Variants in MCC observed in about 807,000 individuals in gnomAD.
MCC encodes MCC regulator of Wnt signaling pathway.
MCC carries 90 observed loss-of-function variants against 116.2 expected under a neutral mutation model. The ratio of observed to expected loss-of-function variants is 0.77; its 90% CI spans 0.65 to 0.92. The LOEUF (loss-of-function observed/expected upper bound fraction) is 0.92, where lower values mean the gene tolerates loss of function less well. Among genes scored for constraint, MCC ranks in the 40% least tolerant of loss-of-function variants. MCC has a pLI of 0.00. For synonymous variants in MCC, 578 were observed against 510.5 expected (o/e 1.13, Z -1.78); for missense variants, 1,516 against 1,312.2 (o/e 1.16, Z -2.40).
chr5:113,178,911 T>C (rs1761471008), intron 3 of MCC, among the ~76,000 whole-genome samples: 1 of 25,472 alleles, frequency 3.9e-5, no homozygotes, highest in East Asian at 1.2e-3. Context: ...ATTTATCTTA[T>C]CAAAAAAAAT....
At chr5:113,433,224 A>C in intron 1 of MCC, 1 of 175,636 alleles carries the variant, frequency 5.7e-6, no homozygotes, top group South Asian at 1.2e-4. Context: ...GGCCCAGCCG[A>C]AGCTCTTTCC....
intron 8 of MCC, among the ~76,000 whole-genome samples, chr5:113,087,746 T>C (rs997152220): frequency 6.6e-6 from 1 of 151,420 alleles, no homozygotes; most frequent in Non-Finnish European, 1.5e-5. Context: ...GGTCTGTTCT[T>C]AGAATCCCTA....
chr5:113,038,857 G>C (rs542148664), intron 17 of MCC, among the ~76,000 whole-genome samples: 1 of 152,278 alleles, frequency 6.6e-6, no homozygotes, highest in East Asian at 1.9e-4. Context: ...TCCTGTCCCT[G>C]GACAGAACGG....
intron 11 of MCC, among the ~76,000 whole-genome samples, chr5:113,080,205 G>T (rs927270129): frequency 6.6e-6 from 1 of 152,154 alleles, no homozygotes; most frequent in African/African-American, 2.4e-5. Context: ...ACTGTTGGTG[G>T]GACTGTAAAC....
At chr5:113,318,702 G>C (rs1419584622) in intron 3 of MCC, among the ~76,000 whole-genome samples, 1 of 152,042 alleles carries the variant, frequency 6.6e-6, no homozygotes, top group Non-Finnish European at 1.5e-5. Flanking sequence ...TGGGAGGAGG[G>C]AGAGGATCAG....
chr5:113,205,708 T>C (rs1268711324), intron 3 of MCC, among the ~76,000 whole-genome samples: 2 of 152,210 alleles, frequency 1.3e-5, no homozygotes, highest in Non-Finnish European at 2.9e-5. Flanking sequence ...TAGAAAAATA[T>C]CTTATTTGCT....
At chr5:113,197,163 TCTTA>T (rs1220673450) in intron 3 of MCC, among the ~76,000 whole-genome samples, 2 of 152,206 alleles carry the variant, frequency 1.3e-5, no homozygotes, top group Non-Finnish European at 2.9e-5. Flanking sequence ...CGGGCTTCTT[TCTTA>T]AATACGTTCT....
intron 1 of MCC, among the ~76,000 whole-genome samples, chr5:113,465,271 T>C (rs527271061): frequency 2.0e-5 from 3 of 152,156 alleles, no homozygotes; most frequent in African/African-American, 7.2e-5. Flanking sequence ...TTAAATTATG[T>C]ATTTTCAAGT....
Position 113,071,631 on chromosome 5 carries a change from C to G in MCC, c.1785-397G>C, listed in dbSNP as rs999718617. On this transcript the variant is annotated intron_variant, in intron 11 of 18. Transcript: ENST00000408903. ...CATGCAAGGATGAAAAGCAGCAAGA[C>G]AGCAGTCATGGCTATTTGTTAAGCC... is the stretch of plus-strand genomic sequence containing the variant. Among the ~76,000 whole-genome samples, 6 of 152,216 alleles carry G rather than the reference C, an allele frequency of 3.9e-5. No homozygotes were observed. The South Asian group carries it at 6.2e-4, about 16-fold the overall frequency.
At chr5:113,350,863 A>G (rs892399857) in intron 2 of MCC, among the ~76,000 whole-genome samples, 1 of 152,156 alleles carries the variant, frequency 6.6e-6, no homozygotes, top group African/African-American at 2.4e-5. Flanking sequence ...ATCTGATTTT[A>G]AAAATGGGCA....
intron 1 of MCC, among the ~76,000 whole-genome samples, chr5:113,408,379 G>A (rs1769894056): frequency 6.6e-6 from 1 of 152,066 alleles, no homozygotes; most frequent in Non-Finnish European, 1.5e-5. Flanking sequence ...GATGTTCTGG[G>A]ATCAAATACG....
At chr5:113,035,815 A>G (rs1207646684) in intron 17 of MCC, among the ~76,000 whole-genome samples, 1 of 152,168 alleles carries the variant, frequency 6.6e-6, no homozygotes, top group Non-Finnish European at 1.5e-5. Context: ...CTTTATTGGA[A>G]AAAAAATCTC....
At chr5:113,371,694 C>T (rs937933809) in intron 2 of MCC, among the ~76,000 whole-genome samples, 3 of 152,112 alleles carry the variant, frequency 2.0e-5, no homozygotes, top group Admixed American at 1.3e-4. Context: ...ATAAATTTAA[C>T]GGATTTAAAC....
At chr5:113,376,786 T>C (rs974088590) in intron 2 of MCC, among the ~76,000 whole-genome samples, 1 of 152,144 alleles carries the variant, frequency 6.6e-6, no homozygotes, top group African/African-American at 2.4e-5. Flanking sequence ...CAGCTCTTAG[T>C]CCACAAGATG....
At chr5:113,406,692 C>T (rs1451981281) in intron 1 of MCC, among the ~76,000 whole-genome samples, 1 of 152,064 alleles carries the variant, frequency 6.6e-6, no homozygotes, top group Non-Finnish European at 1.5e-5. Context: ...TATAGAAAAG[C>T]AAATGAGGAA....
chr5:113,124,875 G>A (rs1757952931), intron 5 of MCC, among the ~76,000 whole-genome samples: 1 of 152,268 alleles, frequency 6.6e-6, no homozygotes, highest in Non-Finnish European at 1.5e-5. Context: ...GAAGGATGCT[G>A]TGGGTGAACA....
At chr5:113,031,677 C>G (rs996295565) in intron 17 of MCC, among the ~76,000 whole-genome samples, 1 of 152,092 alleles carries the variant, frequency 6.6e-6, no homozygotes, top group Non-Finnish European at 1.5e-5. Context: ...GCAGTCAAAT[C>G]CCCTCCCTCC....
chr5:113,065,334 G>A (rs904919948), intron 13 of MCC, among the ~76,000 whole-genome samples: 3 of 152,054 alleles, frequency 2.0e-5, no homozygotes, highest in African/African-American at 7.2e-5. Context: ...TCTCAGTTTT[G>A]CTGTGAACCT....
intron 3 of MCC, among the ~76,000 whole-genome samples, chr5:113,190,199 G>A (rs1016618177): frequency 1.3e-5 from 2 of 152,220 alleles, no homozygotes; most frequent in Non-Finnish European, 2.9e-5. Flanking sequence ...AATAGGTCAG[G>A]TGATAAGATG....
Sources: allele counts gnomAD v4.1 joint callset (sites outside exome capture counted in the v4.1 genomes callset), GRCh38; gene constraint gnomAD v4.1.1; transcripts MANE v1.5; gene names NCBI Gene and HGNC (gene_info 2026-07-23, HGNC 2026-07-21).